ATM: variants seen among roughly 807,000 people sequenced by gnomAD.
The protein encoded by ATM is serine-protein kinase ATM.
In ATM, 308 loss-of-function variants were observed where a neutral mutation model predicts 387.0. The observed-to-expected ratio is 0.80, with a 90% CI of 0.73 to 0.87. The LOEUF is 0.87. Among genes scored for constraint, ATM ranks in the 40% least tolerant of loss-of-function variants. The pLI, the probability that ATM is intolerant of heterozygous loss-of-function variation, is 0.00. For missense variants in ATM, 3,312 were observed against 3,560.9 expected (o/e 0.93, Z 1.78); for synonymous variants, 1,156 against 1,187.3 (o/e 0.97, Z 0.54).
rs758784434 is a variant in ATM at position 108,279,542 on chromosome 11, T to A, written c.3336T>A (p.Pro1112=). ...CTTCCAGGTTACTGAAAGCACTTCC[T>A]TTGAAGCTTCAGCAAACAGCTTTTG... is the stretch of plus-strand genomic sequence containing the variant. ...GDSSRLLKAL[P]LKLQQTAFEN... The change falls in exon 23 of 63, where the codon CCT becomes CCA. Residue 1112 remains proline, a synonymous_variant. Transcript: ENST00000675843. 1.9e-5 allele frequency: 31 copies of A among 1,613,736 alleles called. No individual in the cohort carries two copies. The highest frequency in any genetic ancestry group is 1.3e-4 in the Admixed American group (8 of 59,986).
chr11:108,268,677 A>ACAC (rs2081404326), intron 18 of ATM, 68 bp downstream of exon 18: 8 of 1,482,054 alleles, frequency 5.4e-6, no homozygotes, highest in Non-Finnish European at 7.5e-6. Flanking sequence ...TAATGAGTTG[A>ACAC]CATGTAAGAA....
chr11:108,265,978 GAAACA>G (rs1323136273), intron 16 of ATM, among the ~76,000 whole-genome samples: 49 of 151,580 alleles, frequency 3.2e-4, no homozygotes, highest in African/African-American at 1.2e-3. Flanking sequence ...AAAAAGTCAG[GAAACA>G]ACAGGTGCTG....
intron 22 of ATM, 55 bp from the exon 23 acceptor site, chr11:108,279,436 T>C: frequency 7.6e-7 from 1 of 1,320,934 alleles, no homozygotes; most frequent in Non-Finnish European, 1.1e-6. Flanking sequence ...AAGTAGGGTT[T>C]GAAATTAGAA....
chr11:108,327,570 TC>T, intron 47 of ATM, 74 bp from the exon 48 acceptor site: 1 of 1,239,722 alleles, frequency 8.1e-7, no homozygotes, highest in Non-Finnish European at 1.2e-6. Flanking sequence ...CCTGCTTTTT[TC>T]CCCGTACATG....
rs769722643 is a variant in ATM at position 108,330,305 on chromosome 11, G to A, written c.7399G>A (p.Val2467Ile). ...TCGTAAACGCTTCTTATGTAAAGCA[G>A]TTGAAAATTATATCAACTGCTTATT... ...EDRKRFLCKAVENYINCLLSG... is the reference protein window; with the variant it reads ...EDRKRFLCKAIENYINCLLSG... Residue 2467 changes from valine (V) to isoleucine (I), a missense_variant, in exon 50 of 63, where the codon GTT becomes ATT. Coordinates refer to ENST00000675843, the MANE Select transcript of ATM (RefSeq NM_000051.4). 8.7e-6 allele frequency: 14 copies of A among 1,614,186 alleles called. No homozygotes were observed. Among genetic ancestry groups the A allele is most frequent in the Admixed American group, 1.7e-5 (1 of 60,028 alleles).
Position 108,292,668 on chromosome 11 carries a change from G to C in ATM, c.4486G>C (p.Asp1496His), listed in dbSNP as rs2135798766. 1.9e-6 allele frequency: 3 copies of C among 1,613,316 alleles called. No individual in the cohort carries two copies. The highest frequency in any genetic ancestry group is 2.5e-6 in the Non-Finnish European group (3 of 1,179,844). The change falls in exon 30 of 63, where the codon GAC (aspartate) becomes CAC (histidine). Residue 1496 changes from aspartate (D) to histidine (H), a missense_variant. Physicochemically the swap from Asp to His is moderately conservative, Grantham distance 81 (BLOSUM62 -1). Around this residue, in one of 4 missense-constraint regions of ATM, gnomAD observed 1,791 missense variants for 1,804.5 expected, o/e 0.99. Transcript: ENST00000675843. The part of the protein sequence containing the change: ...VSLRSFSLCC[D>H]LLSQVCQTAV... ...ATTACGTAGCTTCTCCCTTTGTTGT[G>C]ACTTATTAAGTCAGGTTTGCCAGAC...
At chr11:108,269,758 G>A (rs2135536733) in intron 18 of ATM, among the ~76,000 whole-genome samples, 1 of 152,262 alleles carries the variant, frequency 6.6e-6, no homozygotes, top group African/African-American at 2.4e-5. Context: ...ACAGTAAATT[G>A]TAGGCTGAGT....
intron 27 of ATM, 79 bp downstream of exon 27, chr11:108,287,794 G>A: frequency 2.0e-6 from 2 of 1,003,864 alleles, no homozygotes; most frequent in South Asian, 1.4e-5. Context: ...CACCTTCAAT[G>A]TCTATTTCAA....
intron 61 of ATM, among the ~76,000 whole-genome samples, chr11:108,356,743 C>G (rs2089975609): frequency 6.6e-6 from 1 of 152,128 alleles, no homozygotes; most frequent in African/African-American, 2.4e-5. Context: ...AGAAATCTTA[C>G]TAGTTTAATG....
chr11:108,245,082 C>T (rs2079780023), intron 7 of ATM, 56 bp downstream of exon 7: 2 of 1,386,216 alleles, frequency 1.4e-6, no homozygotes, highest in Admixed American at 3.5e-5. Context: ...ACATAGAAGT[C>T]TAAGTATAAA....
At chr11:108,297,248 C>T (rs1252279780) in intron 32 of ATM, 39 bp from the exon 33 acceptor site, 3 of 1,514,006 alleles carry the variant, frequency 2.0e-6, no homozygotes, top group Non-Finnish European at 2.7e-6. Context: ...GTGTTGTCTT[C>T]ATGCTAGTTT....
rs1206946743 is a variant in ATM, at chr11:108,229,211, A to G, written c.219A>G (p.Glu73=). The part of the protein sequence containing the change: ...FLQKYIQKET[E]CLRIAKPNVS... ...AGAAATATATTCAGAAAGAAACAGA[A>G]TGTCTGAGAATAGCAAAACCAAATG... The change falls in exon 4 of 63, where the codon GAA becomes GAG. Residue 73 remains glutamate, a synonymous_variant. Transcript: ENST00000675843. 6.2e-7 allele frequency: 1 copy of G among 1,613,284 alleles called. No individual in the cohort carries two copies. Among genetic ancestry groups the G allele is most frequent in the South Asian group, 1.1e-5 (1 of 90,794 alleles).
chr11:108,270,408 A>G (rs1175118435), intron 18 of ATM, among the ~76,000 whole-genome samples: 1 of 152,230 alleles, frequency 6.6e-6, no homozygotes. Context: ...GGTAATAATG[A>G]TCATTTATTG....
At chr11:108,350,413 G>A (rs1032106635) in intron 59 of ATM, among the ~76,000 whole-genome samples, 1 of 152,208 alleles carries the variant, frequency 6.6e-6, no homozygotes. Context: ...AGGGGTAGAA[G>A]GAGAAGAGGT....
intron 59 of ATM, among the ~76,000 whole-genome samples, chr11:108,353,361 C>T (rs1422156594): frequency 1.3e-5 from 2 of 152,100 alleles, no homozygotes; most frequent in African/African-American, 2.4e-5. Context: ...GTTGGCCAGG[C>T]TGGTCTCTTA....
chr11:108,227,416 G>T, intron 1 of ATM, 179 bp from the exon 2 acceptor site: 2 of 511,178 alleles, frequency 3.9e-6, no homozygotes, highest in Non-Finnish European at 3.5e-6. Flanking sequence ...TTTTAAATAC[G>T]GAAATGTTAA....
At chr11:108,258,871 GCCCTAATAGTAAA>G (rs1356297728) in intron 15 of ATM, 102 bp from the exon 16 acceptor site, 2 of 766,106 alleles carry the variant, frequency 2.6e-6, no homozygotes, top group Non-Finnish European at 4.5e-6. Context: ...ATATATATTG[GCCCTAATAGTAAA>G]CTATTTATCT....
chr11:108,305,394 A>G (rs971780099), intron 37 of ATM, among the ~76,000 whole-genome samples: 2 of 152,136 alleles, frequency 1.3e-5, no homozygotes, highest in African/African-American at 4.8e-5. Flanking sequence ...AGCCTGGCCA[A>G]CGTGGTGAAA....
chr11:108,363,982 C>A (rs1489124747), intron 61 of ATM, among the ~76,000 whole-genome samples: 1 of 152,160 alleles, frequency 6.6e-6, no homozygotes, highest in Non-Finnish European at 1.5e-5. Context: ...AAAGCCATGT[C>A]AGTGCCCAAC....
Sources: allele counts gnomAD v4.1 joint callset (sites outside exome capture counted in the v4.1 genomes callset), GRCh38; gene constraint gnomAD v4.1.1; regional missense constraint gnomAD v4.1.1; transcripts MANE v1.5; gene names NCBI Gene and HGNC (gene_info 2026-07-23, HGNC 2026-07-21).